Variants in FMN2 observed in about 807,000 individuals in gnomAD.
FMN2 encodes the protein formin 2.
A neutral mutation model predicts 142.3 loss-of-function variants in FMN2; 51 were observed. The observed-to-expected ratio is 0.36, with a 90% confidence interval of 0.29 to 0.45. The LOEUF is 0.45. Ranked by LOEUF, FMN2 falls within the 20% of genes least tolerant of loss-of-function variation. FMN2 has a pLI of 1.00. For missense variants in FMN2, 1,936 were observed against 2,122.8 expected (o/e 0.91, Z 1.73); for synonymous variants, 882 against 869.8 (o/e 1.01, Z -0.25).
At chr1:240,265,620 C>G (rs566638335) in intron 7 of FMN2, among the ~76,000 whole-genome samples, 1 of 152,266 alleles carries the variant, frequency 6.6e-6, no homozygotes, top group African/African-American at 2.4e-5. Flanking sequence ...TTTAAGCACC[C>G]CAGTTTGTCA....
intron 16 of FMN2, among the ~76,000 whole-genome samples, chr1:240,464,643 T>C (rs1239218439): frequency 6.6e-6 from 1 of 152,088 alleles, no homozygotes; most frequent in Non-Finnish European, 1.5e-5. Flanking sequence ...GTTTGCTTCA[T>C]GTGTTACTGT....
At chr1:240,123,672 A>C (rs1662386014) in intron 2 of FMN2, among the ~76,000 whole-genome samples, 1 of 152,192 alleles carries the variant, frequency 6.6e-6, no homozygotes. Flanking sequence ...AATACAGACA[A>C]CATAAAATTT....
At chr1:240,427,649 A>C (rs949942684) in intron 15 of FMN2, among the ~76,000 whole-genome samples, 2 of 152,224 alleles carry the variant, frequency 1.3e-5, no homozygotes, top group African/African-American at 4.8e-5. Context: ...CGTTGAAGAA[A>C]TGAGATCATT....
At chr1:240,443,296 A>G (rs567943582) in intron 16 of FMN2, among the ~76,000 whole-genome samples, 1 of 152,378 alleles carries the variant, frequency 6.6e-6, no homozygotes, top group South Asian at 2.1e-4. Flanking sequence ...CACGAATCAG[A>G]AAAATTATTT....
intron 2 of FMN2, among the ~76,000 whole-genome samples, chr1:240,165,371 T>G (rs1664437694): frequency 6.6e-6 from 1 of 152,068 alleles, no homozygotes; most frequent in Admixed American, 6.6e-5. Context: ...GGACGGGGTC[T>G]CTCTGTGTTA....
chr1:240,157,877 C>T (rs1664089466), intron 2 of FMN2, among the ~76,000 whole-genome samples: 1 of 151,190 alleles, frequency 6.6e-6, no homozygotes. Context: ...TGGCTCACTC[C>T]TGTAATCCTA....
chr1:240,144,715 AATGTCCTTCTCCAGC>A, intron 2 of FMN2: 1 of 1,308,374 alleles, frequency 7.6e-7, no homozygotes, highest in Non-Finnish European at 1.1e-6. Context: ...CATTCTCATC[AATGTCCTTCTCCAGC>A]ATGTCCACCT....
chr1:240,411,668 C>G (rs1221224835), intron 15 of FMN2, among the ~76,000 whole-genome samples: 1 of 145,578 alleles, frequency 6.9e-6, no homozygotes, highest in Non-Finnish European at 1.5e-5. Flanking sequence ...CATGTTCTCT[C>G]TGTTGGCGTG....
At chr1:240,306,373 C>G (rs1191178634) in intron 8 of FMN2, among the ~76,000 whole-genome samples, 2 of 152,164 alleles carry the variant, frequency 1.3e-5, no homozygotes, top group Admixed American at 6.6e-5. Context: ...AATCCCATAA[C>G]CCAGAAGCTG....
At chr1:240,465,394 T>G (rs532146029) in intron 16 of FMN2, among the ~76,000 whole-genome samples, 27 of 150,272 alleles carry the variant, frequency 1.8e-4, no homozygotes, top group African/African-American at 6.1e-4. Context: ...GTGTCTGTCT[T>G]TCTCTTTTTT....
intron 2 of FMN2, among the ~76,000 whole-genome samples, chr1:240,161,519 G>A (rs1226078143): frequency 6.6e-6 from 1 of 151,082 alleles, no homozygotes; most frequent in East Asian, 1.9e-4. Context: ...GGCGACAGAG[G>A]GAGACTCCAC....
chr1:240,212,980 G>A (rs1471558177), intron 6 of FMN2, among the ~76,000 whole-genome samples: 1 of 151,812 alleles, frequency 6.6e-6, no homozygotes. Context: ...TGTTTTTTTG[G>A]CTAAGGGAAT....
chr1:240,456,871 T>C (rs1007286919), intron 16 of FMN2, among the ~76,000 whole-genome samples: 1 of 152,204 alleles, frequency 6.6e-6, no homozygotes, highest in African/African-American at 2.4e-5. Flanking sequence ...CTGCTCTCTC[T>C]AGAACCGCAC....
At chr1:240,122,071 A>ATTT (rs1558305811) in intron 1 of FMN2, among the ~76,000 whole-genome samples, 10 of 143,230 alleles carry the variant, frequency 7.0e-5, no homozygotes, top group South Asian at 2.3e-4. Context: ...AAAATTAATT[A>ATTT]ATTAATTTAT....
At chr1:240,428,414 A>T (rs574961543) in intron 15 of FMN2, among the ~76,000 whole-genome samples, 1 of 149,734 alleles carries the variant, frequency 6.7e-6, no homozygotes. Flanking sequence ...TTGTGTAGAG[A>T]TGAGGTCTTG....
intron 8 of FMN2, among the ~76,000 whole-genome samples, chr1:240,319,762 G>A (rs1052684988): frequency 5.9e-5 from 9 of 152,126 alleles, no homozygotes; most frequent in African/African-American, 1.7e-4. Context: ...CTTTGTTCGT[G>A]TATTTGGCCA....
In FMN2 at chr1:240,468,421, A is replaced by C. The variant is rs1393023166; in HGVS notation, c.5061-3951A>C. ...AGACCCCCACCAGGATTAGAAGTTA[A>C]ACTCAAGTGCAGACACAGTTTGGAA... On this transcript the variant is annotated intron_variant, in intron 16 of 17. Coordinates refer to ENST00000319653, the MANE Select transcript of FMN2 (RefSeq NM_020066.5). 4.0e-5 allele frequency among the ~76,000 whole-genome samples: 6 copies of C among 150,404 alleles called. No homozygotes were observed. The East Asian group carries it at 5.8e-4, about 15-fold the overall frequency.
chr1:240,211,525 A>G (rs1164925772), intron 6 of FMN2, among the ~76,000 whole-genome samples: 2 of 152,236 alleles, frequency 1.3e-5, no homozygotes, highest in Non-Finnish European at 2.9e-5. Flanking sequence ...GCCTAGAAAT[A>G]AATTTTCATT....
At chr1:240,335,307 A>G (rs182577198) in intron 13 of FMN2, among the ~76,000 whole-genome samples, 1 of 152,314 alleles carries the variant, frequency 6.6e-6, no homozygotes, top group Admixed American at 6.5e-5. Flanking sequence ...GTTGGTGCTC[A>G]TTGACTGAGG....
Sources: allele counts gnomAD v4.1 joint callset (sites outside exome capture counted in the v4.1 genomes callset), GRCh38; gene constraint gnomAD v4.1.1; transcripts MANE v1.5; gene names NCBI Gene and HGNC (gene_info 2026-07-23, HGNC 2026-07-21).